ITIH6: variants seen among roughly 807,000 people sequenced by gnomAD.
ITIH6 encodes inter-alpha-trypsin inhibitor heavy chain family member 6, also known as inter-alpha-trypsin inhibitor heavy chain H6.
Under a neutral mutation model 58.2 loss-of-function variants are expected in ITIH6, and 60 were observed. The ratio of observed to expected loss-of-function variants is 1.03; its 90% CI spans 0.84 to 1.28. The LOEUF (loss-of-function observed/expected upper bound fraction) is 1.28, where lower values mean the gene tolerates loss of function less well. Among genes scored for constraint, ITIH6 ranks in the 50% most tolerant of loss-of-function variants. The pLI is 0.00. For missense variants in ITIH6, 1,290 were observed against 1,021.1 expected, an observed-to-expected ratio of 1.26 and a Z score of -3.59; for synonymous variants, 493 against 417.4, an observed-to-expected ratio of 1.18 and a Z score of -2.21.
rs201177729 is a variant in ITIH6, at chrX:54,758,389, C to T, written c.1685G>A (p.Arg562His). The change falls in exon 8 of 13, where the codon CGC becomes CAC. Residue 562 changes from arginine to histidine, a missense_variant. Arg to His is a conservative substitution (Grantham distance 29, BLOSUM62 0). Coordinates refer to ENST00000218436, the MANE Select transcript of ITIH6 (RefSeq NM_198510.3). ...TCCAATGGTGACATAGGCCCAGAGG[C>T]GGCGGATGAAGTGGGCCACATTGGG... ...PAPNVAHFIR[R>H]LWAYVTIGEL... The T allele has an allele frequency of 1.5e-4, 181 of 1,209,751 alleles. No homozygotes were observed. Among genetic ancestry groups the T allele is most frequent in the East Asian group, 8.3e-4 (28 of 33,723 alleles).
At chrX:54,783,529 T>G (rs1165103052) in intron 5 of ITIH6, among the ~76,000 whole-genome samples, 3 of 112,011 alleles carry the variant, frequency 2.7e-5, no homozygotes, top group Admixed American at 1.9e-4. Flanking sequence ...CAGTAGCATT[T>G]CTATATGCCA....
intron 11 of ITIH6, among the ~76,000 whole-genome samples, chrX:54,752,518 C>T (rs1473225044): frequency 2.7e-5 from 3 of 112,078 alleles, no homozygotes; most frequent in South Asian, 3.7e-4. Flanking sequence ...CATCAATTTT[C>T]GAGGAAAAAT....
chrX:54,755,148 C>A (rs763439382), intron 8 of ITIH6, 39 bp from the exon 9 acceptor site: 1 of 1,115,844 alleles, frequency 9.0e-7, no homozygotes, highest in Non-Finnish European at 1.2e-6. Flanking sequence ...CCTTCAAATT[C>A]CAGGGGCAAA....
At chrX:54,793,293 C>T (rs958734130) in intron 2 of ITIH6, among the ~76,000 whole-genome samples, 1 of 110,986 alleles carries the variant, frequency 9.0e-6, no homozygotes, top group Admixed American at 9.6e-5. Flanking sequence ...AATTGGAAAT[C>T]ATCATTCTCA....
intron 9 of ITIH6, among the ~76,000 whole-genome samples, chrX:54,754,355 A>G (rs1051759623): frequency 1.8e-5 from 2 of 112,136 alleles, no homozygotes; most frequent in African/African-American, 6.5e-5. Flanking sequence ...TAAAATCTCC[A>G]GAGCTGTGAA....
At chrX:54,765,713 G>A (rs775933216) in intron 6 of ITIH6, among the ~76,000 whole-genome samples, 19 of 108,808 alleles carry the variant, frequency 1.7e-4, no homozygotes, top group South Asian at 8.0e-4. Context: ...ACGAAGCGGC[G>A]TTATTTCTGA....
rs757229638 is a variant in ITIH6, at chrX:54,758,608, G to A, written c.1466C>T (p.Ser489Phe). The change falls in exon 8 of 13, where the codon TCC (serine) becomes TTC (phenylalanine). Residue 489 changes from serine to phenylalanine, a missense_variant. Coordinates refer to ENST00000218436, the MANE Select transcript of ITIH6 (RefSeq NM_198510.3). ...GTAGTTGGGGAAAACGGCCCAAGGG[G>A]AGGCCCCAACCAAGCCACCCAGGTA... ...LNYLGGLVGASPWAVFPNYFG... is the reference protein window; with the variant it reads ...LNYLGGLVGAFPWAVFPNYFG... The A allele has an allele frequency of 2.5e-6, 3 of 1,211,569 alleles. No homozygotes were observed. The South Asian group carries it at 5.3e-5, about 21-fold the overall frequency.
chrX:54,782,587 C>G (rs1929168726), intron 5 of ITIH6, among the ~76,000 whole-genome samples: 1 of 111,285 alleles, frequency 9.0e-6, no homozygotes, highest in Non-Finnish European at 1.9e-5. Context: ...AAAAGAAAAT[C>G]TAGAAGAAAT....
intron 6 of ITIH6, among the ~76,000 whole-genome samples, chrX:54,771,880 C>A (rs369846095): frequency 3.6e-5 from 4 of 111,477 alleles, no homozygotes; most frequent in Non-Finnish European, 7.5e-5. Flanking sequence ...GAAAAGGGAA[C>A]GCTTATACAC....
intron 6 of ITIH6, among the ~76,000 whole-genome samples, chrX:54,772,046 A>G (rs775635662): frequency 1.8e-5 from 2 of 112,422 alleles, no homozygotes; most frequent in African/African-American, 6.5e-5. Context: ...ACTCATGCAC[A>G]TGTATGTTCA....
chrX:54,796,543 G>C (rs1274929703), intron 2 of ITIH6, among the ~76,000 whole-genome samples: 1 of 110,283 alleles, frequency 9.1e-6, no homozygotes, highest in Non-Finnish European at 1.9e-5. Flanking sequence ...AATTAGCCGG[G>C]TGTGGTGGCA....
intron 6 of ITIH6, among the ~76,000 whole-genome samples, chrX:54,771,695 T>C (rs1462919866): frequency 8.9e-6 from 1 of 111,905 alleles, no homozygotes; most frequent in Non-Finnish European, 1.9e-5. Flanking sequence ...CAGATACTTC[T>C]GAAAAGAAGA....
intron 5 of ITIH6, among the ~76,000 whole-genome samples, chrX:54,786,450 T>G (rs748270712): frequency 8.9e-6 from 1 of 112,005 alleles, no homozygotes. Flanking sequence ...CCCATGTTCC[T>G]TTCGTTGCCC....
At chrX:54,760,774 T>G (rs778201699) in intron 6 of ITIH6, among the ~76,000 whole-genome samples, 7 of 111,746 alleles carry the variant, frequency 6.3e-5, no homozygotes, top group Non-Finnish European at 1.3e-4. Flanking sequence ...AACTCATCAT[T>G]TTTTATGGCT....
In ITIH6 at chrX:54,788,591, G is replaced by A; in HGVS notation, c.675C>T (p.Ile225=). The change falls in exon 5 of 13, where the codon ATC becomes ATT. Residue 225 remains isoleucine, a synonymous_variant. Coordinates refer to ENST00000218436, the MANE Select transcript of ITIH6 (RefSeq NM_198510.3). ...RIERGETCVR[I]TYCPTLQDQS... is the part of the protein sequence containing the mutation. ...GGTCTTGCAATGTCGGGCAGTAGGT[G>A]ATTCGGACACAGGTCTCTCCCCTCT... is the stretch of plus-strand genomic sequence containing the variant. The A allele has an allele frequency of 8.3e-7, 1 of 1,209,958 alleles. No individual in the cohort carries two copies. The highest frequency in any genetic ancestry group is 2.3e-4 in the Middle Eastern group (1 of 4,349).
intron 2 of ITIH6, among the ~76,000 whole-genome samples, chrX:54,792,407 T>TTTA (rs2147621668): frequency 8.9e-6 from 1 of 112,070 alleles, no homozygotes; most frequent in African/African-American, 3.2e-5. Flanking sequence ...TTGTTATGTA[T>TTTA]TTACAGTAAT....
At chrX:54,763,947 T>C (rs950269928) in intron 6 of ITIH6, among the ~76,000 whole-genome samples, 7 of 112,508 alleles carry the variant, frequency 6.2e-5, no homozygotes, top group African/African-American at 2.3e-4. Flanking sequence ...AATGCAACTA[T>C]TTATTGCTGA....
intron 6 of ITIH6, among the ~76,000 whole-genome samples, chrX:54,773,156 G>A (rs960837060): frequency 1.1e-4 from 12 of 111,956 alleles, no homozygotes; most frequent in African/African-American, 3.9e-4. Context: ...GAGCCCAGTT[G>A]ATGTGGTGAT....
intron 6 of ITIH6, among the ~76,000 whole-genome samples, chrX:54,770,279 G>T (rs894444650): frequency 1.8e-5 from 2 of 112,555 alleles, no homozygotes; most frequent in African/African-American, 6.4e-5. Flanking sequence ...CCCACTGTCT[G>T]GCACTCCCTA....
Sources: gnomAD v4.1 joint callset for allele counts (sites outside exome capture counted in the v4.1 genomes callset) on GRCh38, gnomAD v4.1.1 for gene constraint, MANE v1.5 for transcripts, NCBI Gene and HGNC (gene_info 2026-07-23, HGNC 2026-07-21) for gene names.